Variants in WNK3 observed in about 807,000 individuals in gnomAD.
The protein encoded by WNK3 is WNK lysine deficient protein kinase 3.
A neutral mutation model predicts 116.7 loss-of-function variants in WNK3; 18 were observed. That is an observed-to-expected ratio of 0.15 (90% CI 0.11 to 0.23). The LOEUF (loss-of-function observed/expected upper bound fraction) is 0.23, where lower values mean the gene tolerates loss of function less well. Ranked by LOEUF, WNK3 falls within the 10% of genes least tolerant of loss-of-function variation. WNK3 has a pLI of 1.00. For synonymous variants in WNK3, 404 were observed against 469.4 expected (o/e 0.86, Z 1.80); for missense variants, 993 against 1,323.8 (o/e 0.75, Z 3.88).
chrX:54,196,056 G>A (rs1453543036), exon 24 of WNK3: 6 of 110,921 alleles, frequency 5.4e-5, no homozygotes, highest in Non-Finnish European at 9.5e-5. Flanking sequence ...TGTATGGCTC[G>A]GTGTAATTAC....
chrX:54,252,679 A>AT (rs1221138185), intron 13 of WNK3, among the ~76,000 whole-genome samples: 2 of 110,172 alleles, frequency 1.8e-5, no homozygotes, highest in African/African-American at 6.6e-5. Context: ...CAAAAAAAAA[A>AT]AAAAAAAATA....
exon 17 of WNK3, chrX:54,248,866 A>C: frequency 8.3e-7 from 1 of 1,211,757 alleles, no homozygotes. Flanking sequence ...ACTGATGGCT[A>C]TGACTTCTGT....
At chrX:54,199,535 T>C (rs1195174965) in intron 23 of WNK3, among the ~76,000 whole-genome samples, 1 of 112,045 alleles carries the variant, frequency 8.9e-6, no homozygotes, top group African/African-American at 3.2e-5. Context: ...GCTATTTATC[T>C]TTCTTCAAAT....
intron 22 of WNK3, among the ~76,000 whole-genome samples, chrX:54,206,894 G>A (rs932054339): frequency 2.7e-5 from 3 of 111,269 alleles, no homozygotes; most frequent in Non-Finnish European, 5.7e-5. Context: ...GCTGGGGATG[G>A]TGGTGCACAC....
chrX:54,321,733 G>A (rs2069037496), intron 2 of WNK3, among the ~76,000 whole-genome samples: 1 of 110,868 alleles, frequency 9.0e-6, no homozygotes, highest in South Asian at 3.9e-4. Context: ...GCTGAGGCGG[G>A]TGGATCACCT....
chrX:54,295,108 A>G (rs1335084293), intron 7 of WNK3, among the ~76,000 whole-genome samples: 1 of 108,726 alleles, frequency 9.2e-6, no homozygotes, highest in African/African-American at 3.3e-5. Flanking sequence ...TGTGTTGGCC[A>G]GGCTGGTCTT....
At chrX:54,261,554 A>G (rs1302329296) in intron 10 of WNK3, among the ~76,000 whole-genome samples, 1 of 111,724 alleles carries the variant, frequency 9.0e-6, no homozygotes, top group Admixed American at 9.5e-5. Context: ...TTTTCTTATT[A>G]CCAAAGCAAG....
At chrX:54,306,771 T>A (rs1261716477) in intron 5 of WNK3, among the ~76,000 whole-genome samples, 14 of 110,817 alleles carry the variant, frequency 1.3e-4, no homozygotes, top group Non-Finnish European at 7.5e-5. Context: ...AATTTCAAAA[T>A]AACTTAGTAA....
chrX:54,244,212 TAA>T (rs1394626014), intron 17 of WNK3, among the ~76,000 whole-genome samples: 7 of 111,697 alleles, frequency 6.3e-5, no homozygotes, highest in Non-Finnish European at 1.3e-4. Context: ...TCGAACACTG[TAA>T]AAGAGTTAAA....
At chrX:54,271,839 G>A (rs2068387435) in intron 10 of WNK3, among the ~76,000 whole-genome samples, 1 of 111,508 alleles carries the variant, frequency 9.0e-6, no homozygotes, top group Admixed American at 9.6e-5. Context: ...CAATCTGAAA[G>A]GTTCTCCCCA....
At chrX:54,252,491 G>A (rs1415913530) in intron 13 of WNK3, among the ~76,000 whole-genome samples, 2 of 110,594 alleles carry the variant, frequency 1.8e-5, no homozygotes, top group African/African-American at 6.6e-5. Flanking sequence ...TCAACATGGC[G>A]AAATGCCATC....
intron 22 of WNK3, among the ~76,000 whole-genome samples, chrX:54,217,559 T>G (rs2067713405): frequency 9.3e-6 from 1 of 107,719 alleles, no homozygotes; most frequent in African/African-American, 3.4e-5. Flanking sequence ...GAGGCGGAGG[T>G]TGCAGTGAGC....
At chrX:54,282,938 A>G (rs976897439) in intron 10 of WNK3, among the ~76,000 whole-genome samples, 4 of 112,278 alleles carry the variant, frequency 3.6e-5, no homozygotes, top group African/African-American at 1.3e-4. Flanking sequence ...CACCAAAAGC[A>G]CAAAGTAACG....
Position 54,198,664 on chromosome X carries a change from C to T in WNK3, c.5074-11G>A. Reference sequence around the variant, plus strand: ...AGTAGACGGAGTATTCTAAGAAAAACAAAAATAAAAACAAAAGATCAGTTT... The same window carrying T: ...AGTAGACGGAGTATTCTAAGAAAAATAAAAATAAAAACAAAAGATCAGTTT... On this transcript the variant is annotated splice_polypyrimidine_tract_variant and intron_variant, in intron 23 of 23. Coordinates refer to ENST00000354646, the Ensembl canonical transcript of WNK3. 8.9e-7 allele frequency: 1 copy of T among 1,125,273 alleles called. No homozygotes were observed. The highest frequency in any genetic ancestry group is 1.2e-6 in the Non-Finnish European group (1 of 844,153). The allele number at this position is 1,125,273 out of a possible 1,213,427, so 92.7% of individuals were successfully genotyped here.
exon 24 of WNK3, chrX:54,198,358 T>C: frequency 8.3e-7 from 1 of 1,207,851 alleles, no homozygotes; most frequent in Non-Finnish European, 1.1e-6. Context: ...GGCAGGATTC[T>C]GCACTGATGA....
Position 54,315,150 on chromosome X carries a change from AG to A in WNK3, c.538-3860del, listed in dbSNP as rs782681325. 2.1e-3 allele frequency among the ~76,000 whole-genome samples: 228 copies of A among 109,041 alleles called. 1 individual carries two copies. Among genetic ancestry groups the A allele is most frequent in the African/African-American group, 7.1e-3 (213 of 30,015 alleles). The allele number at this position is 109,041 out of a possible 115,157, so 94.7% of individuals were successfully genotyped here. A position where few individuals can be genotyped will look rare whatever the true frequency, so the allele number is the denominator to read the frequency against. On this transcript the variant is annotated intron_variant, in intron 2 of 23. Transcript: ENST00000354646. Reference sequence around the variant, plus strand: ...GTCTCTACTAAAAATAAAAAAAATCAGCTGAGCATGGAGGCACGTCCCAATA... The same window carrying A: ...GTCTCTACTAAAAATAAAAAAAATCACTGAGCATGGAGGCACGTCCCAATA...
chrX:54,311,369 T>C lies in WNK3; in HGVS notation c.538-78A>G, dbSNP rs2068884774. ...TTTCTAATACCACTCAACTGAATGC[T>C]TTATTGCATATATGCATGGATGTGT... On this transcript the variant is annotated intron_variant, in intron 2 of 23. Transcript: ENST00000354646. 6 of 772,591 alleles carry C rather than the reference T, an allele frequency of 7.8e-6. No homozygotes were observed. In the South Asian group the frequency reaches 9.9e-5, roughly 13 times the overall value. 63.7% of individuals were successfully genotyped at this position (772,591 alleles called of 1,213,427 possible). A position where few individuals can be genotyped will look rare whatever the true frequency, so the allele number is the denominator to read the frequency against.
exon 17 of WNK3, chrX:54,249,022 C>T (rs1557153381): frequency 2.5e-6 from 3 of 1,210,113 alleles, no homozygotes; most frequent in South Asian, 1.8e-5. Flanking sequence ...AGTTTTAATT[C>T]GGTTGTCTGC....
intron 1 of WNK3, among the ~76,000 whole-genome samples, chrX:54,342,592 C>T (rs1331442045): frequency 1.8e-5 from 2 of 109,965 alleles, no homozygotes; most frequent in African/African-American, 6.6e-5. Context: ...GAAAGCAAAA[C>T]ATTTTGATGA....
Sources: gnomAD v4.1 joint callset for allele counts (sites outside exome capture counted in the v4.1 genomes callset) on GRCh38, gnomAD v4.1.1 for gene constraint, MANE v1.5 for transcripts, NCBI Gene and HGNC (gene_info 2026-07-23, HGNC 2026-07-21) for gene names.